The following BBX variants were observed in gnomAD, a reference collection of about 807,000 sequenced individuals.
BBX encodes HMG box transcription factor BBX.
BBX carries 30 observed loss-of-function variants against 100.2 expected under a neutral mutation model. That is an observed-to-expected ratio of 0.30 (90% CI 0.22 to 0.41). BBX has a LOEUF of 0.41. Among genes scored for constraint, BBX ranks in the 10% least tolerant of loss-of-function variants. BBX has a pLI of 1.00. For missense variants in BBX, 1,023 were observed against 1,129.8 expected (o/e 0.91, Z 1.35); for synonymous variants, 376 against 388.1 (o/e 0.97, Z 0.37).
At chr3:107,699,374 A>G (rs180861591) in intron 3 of BBX, among the ~76,000 whole-genome samples, 3 of 152,062 alleles carry the variant, frequency 2.0e-5, no homozygotes, top group Non-Finnish European at 2.9e-5. Flanking sequence ...GAGAATGAGC[A>G]AAGAAACATC....
chr3:107,530,452 T>C (rs1576183635), intron 2 of BBX, among the ~76,000 whole-genome samples: 1 of 152,068 alleles, frequency 6.6e-6, no homozygotes, highest in Non-Finnish European at 1.5e-5. Context: ...GAGAATGAAT[T>C]GGATTTTATG....
chr3:107,573,375 C>T (rs755934191), intron 2 of BBX, among the ~76,000 whole-genome samples: 16 of 152,134 alleles, frequency 1.1e-4, no homozygotes, highest in East Asian at 3.9e-4. Context: ...CTGGCCAATA[C>T]GGTGAAACAC....
intron 14 of BBX, 128 bp from the exon 15 acceptor site, chr3:107,791,112 A>G (rs1432979844): frequency 3.1e-6 from 2 of 653,054 alleles, no homozygotes; most frequent in Non-Finnish European, 2.7e-6. Context: ...TAAGTAATTG[A>G]CATAAAATTC....
At chr3:107,687,782 C>T (rs948153401) in intron 3 of BBX, among the ~76,000 whole-genome samples, 4 of 152,148 alleles carry the variant, frequency 2.6e-5, no homozygotes, top group Admixed American at 1.3e-4. Context: ...GGTCCGGGCA[C>T]GGTGGCTCAC....
At chr3:107,708,053 G>T (rs773577920) in intron 3 of BBX, among the ~76,000 whole-genome samples, 1 of 152,134 alleles carries the variant, frequency 6.6e-6, no homozygotes, top group South Asian at 2.1e-4. Flanking sequence ...TCATCCTGAA[G>T]TGATTACTAT....
At chr3:107,698,717 C>T (rs1368474346) in intron 3 of BBX, among the ~76,000 whole-genome samples, 2 of 151,038 alleles carry the variant, frequency 1.3e-5, no homozygotes, top group Non-Finnish European at 2.9e-5. Flanking sequence ...AATCAGTGTT[C>T]GGTGATTGAT....
At chr3:107,552,373 AGG>A (rs35538669) in intron 2 of BBX, among the ~76,000 whole-genome samples, 8 of 91,250 alleles carry the variant, frequency 8.8e-5, no homozygotes, top group East Asian at 3.3e-4. Context: ...AAAAAAAAAA[AGG>A]GATTGCTCTT....
intron 2 of BBX, among the ~76,000 whole-genome samples, chr3:107,597,185 C>T (rs963287021): frequency 1.3e-5 from 2 of 152,126 alleles, no homozygotes; most frequent in East Asian, 3.8e-4. Flanking sequence ...ATGTTGTCCA[C>T]TTATGAACTA....
At position 107,622,803 on chromosome 3, in the gene BBX, T is replaced by C. The variant is rs1004621530; in HGVS notation, c.-83-23033T>C. ...TTTTTACACATCCTGTGGAAAACAT[T>C]GAGATTGTCGTTTTAGTAGTCAGTC... On this transcript the variant is annotated intron_variant, in intron 2 of 17. Transcript: ENST00000325805. Among the ~76,000 whole-genome samples the C allele has an allele frequency of 3.3e-5, 5 of 152,346 alleles. No individual in the cohort carries two copies. The South Asian group carries it at 1.0e-3, about 32-fold the overall frequency.
At chr3:107,652,440 T>A (rs1333626741) in intron 3 of BBX, among the ~76,000 whole-genome samples, 4 of 150,534 alleles carry the variant, frequency 2.7e-5, no homozygotes, top group Non-Finnish European at 5.9e-5. Flanking sequence ...ATAATTTTAA[T>A]CAGTTTGTCA....
At chr3:107,617,550 T>C (rs919679643) in intron 2 of BBX, among the ~76,000 whole-genome samples, 1 of 152,154 alleles carries the variant, frequency 6.6e-6, no homozygotes, top group Admixed American at 6.5e-5. Context: ...TTGATTTTTT[T>C]TCCATCAGCA....
chr3:107,804,364 A>G (rs987771976), intron 17 of BBX, among the ~76,000 whole-genome samples: 14 of 152,256 alleles, frequency 9.2e-5, no homozygotes, highest in Admixed American at 2.6e-4. Flanking sequence ...TTGCTGATAC[A>G]TCACATATTT....
At chr3:107,533,447 A>G (rs2107318377) in intron 2 of BBX, among the ~76,000 whole-genome samples, 1 of 152,272 alleles carries the variant, frequency 6.6e-6, no homozygotes, top group Non-Finnish European at 1.5e-5. Flanking sequence ...GTCTGCTGAA[A>G]CCCTGTGGCT....
At chr3:107,777,094 A>G (rs1043619600) in intron 12 of BBX, among the ~76,000 whole-genome samples, 9 of 152,238 alleles carry the variant, frequency 5.9e-5, no homozygotes, top group Non-Finnish European at 1.3e-4. Context: ...CACAATGAGT[A>G]GCATGATGAA....
In BBX at chr3:107,732,910, T is replaced by C. The variant is rs73850141; in HGVS notation, c.602-46T>C. 3.6e-3 allele frequency: 5,305 copies of C among 1,470,482 alleles called. 158 individuals are homozygous for C. In the African/African-American group the frequency reaches 0.063, roughly 18 times the overall value. The allele number at this position is 1,470,482 out of a possible 1,614,324, so 91.1% of individuals were successfully genotyped here. The stretch of plus-strand genomic sequence containing the variant: ...ATTCTTTTTGACTCTGTGGATTGTA[T>C]GTACTTTATGCTTATAAGTTGGTGA... On this transcript the variant is annotated intron_variant, in intron 6 of 17. Transcript: ENST00000325805.
rs148092598 is a variant in BBX at position 107,655,412 on chromosome 3, T to C, written c.-10+9503T>C. Reference sequence around the variant, plus strand: ...GAACAAATTTATATAGTCTAGATAATTTTCTTCAAAGACTATAATTATTTG... The same window carrying C: ...GAACAAATTTATATAGTCTAGATAACTTTCTTCAAAGACTATAATTATTTG... On this transcript the variant is annotated intron_variant, in intron 3 of 17. Coordinates refer to ENST00000325805, the MANE Select transcript of BBX (RefSeq NM_001142568.3). Among the ~76,000 whole-genome samples the C allele has an allele frequency of 5.3e-5, 8 of 152,192 alleles. 1 individual carries two copies. The highest frequency in any genetic ancestry group is 1.7e-4 in the African/African-American group (7 of 41,556).
At chr3:107,562,238 A>C (rs952783668) in intron 2 of BBX, among the ~76,000 whole-genome samples, 1 of 152,214 alleles carries the variant, frequency 6.6e-6, no homozygotes, top group African/African-American at 2.4e-5. Context: ...GCGTGAACCC[A>C]TAAAACACTT....
At chr3:107,758,329 A>C (rs895530691) in intron 10 of BBX, among the ~76,000 whole-genome samples, 1 of 152,226 alleles carries the variant, frequency 6.6e-6, no homozygotes, top group East Asian at 1.9e-4. Flanking sequence ...AGTTGACAGC[A>C]TGGAGAGACT....
chr3:107,547,671 C>T (rs961836656), intron 2 of BBX, among the ~76,000 whole-genome samples: 6 of 152,136 alleles, frequency 3.9e-5, no homozygotes, highest in Non-Finnish European at 5.9e-5. Flanking sequence ...AGATATCTCA[C>T]TTTGAAGATC....
Sources: allele counts gnomAD v4.1 joint callset (sites outside exome capture counted in the v4.1 genomes callset), GRCh38; gene constraint gnomAD v4.1.1; transcripts MANE v1.5; gene names NCBI Gene and HGNC (gene_info 2026-07-23, HGNC 2026-07-21).